Variants in BMPR2 observed in about 807,000 individuals in gnomAD.
BMPR2 encodes bone morphogenetic protein receptor type 2.
A neutral mutation model predicts 100.8 loss-of-function variants in BMPR2; 29 were observed. The observed-to-expected ratio is 0.29, with a 90% CI of 0.21 to 0.39. BMPR2 has a LOEUF of 0.39. BMPR2 is among the 10% of genes least tolerant of loss of function. The pLI is 1.00. For missense variants in BMPR2, 1,011 were observed against 1,274.5 expected (o/e 0.79, Z 3.15); for synonymous variants, 382 against 442.3 (o/e 0.86, Z 1.71).
intron 1 of BMPR2, among the ~76,000 whole-genome samples, chr2:202,453,444 TGTG>T (rs1692029165): frequency 6.6e-6 from 1 of 152,044 alleles, no homozygotes; most frequent in South Asian, 2.1e-4. Flanking sequence ...ATAAAGAAAA[TGTG>T]GTACATATAC....
At chr2:202,520,901 T>C (rs1290569511) in intron 7 of BMPR2, 2 of 153,802 alleles carry the variant, frequency 1.3e-5, no homozygotes, top group Middle Eastern at 3.1e-3. Flanking sequence ...GAAAAACAGC[T>C]CATGAGGCTA....
At position 202,516,469 on chromosome 2, in the gene BMPR2, T is replaced by A. The variant is rs141470078; in HGVS notation, c.621+1490T>A. ...TGGGTGGATTGCTTGAGCCCAGGAG[T>A]TCAAGACAAGTCATGGGCAACATGG... On this transcript the variant is annotated intron_variant, in intron 5 of 12. Coordinates refer to ENST00000374580, the MANE Select transcript of BMPR2 (RefSeq NM_001204.7). 2.7e-3 allele frequency among the ~76,000 whole-genome samples: 414 copies of A among 151,698 alleles called. 10 individuals carry two copies. The highest frequency in any genetic ancestry group is 4.7e-4 in the Non-Finnish European group (32 of 67,916).
At chr2:202,502,744 G>A (rs1346862467) in intron 3 of BMPR2, among the ~76,000 whole-genome samples, 1 of 152,186 alleles carries the variant, frequency 6.6e-6, no homozygotes, top group African/African-American at 2.4e-5. Flanking sequence ...TAGGGGAAGA[G>A]TGTTGTTTTT....
chr2:202,541,852 C>G (rs1688282009), intron 9 of BMPR2, among the ~76,000 whole-genome samples: 2 of 152,174 alleles, frequency 1.3e-5, no homozygotes, highest in African/African-American at 4.8e-5. Context: ...TGGCTCACGC[C>G]TGTAATCCCA....
chr2:202,401,778 G>T (rs1475109919), intron 1 of BMPR2, among the ~76,000 whole-genome samples: 2 of 152,160 alleles, frequency 1.3e-5, no homozygotes, highest in African/African-American at 4.8e-5. Flanking sequence ...CAACCAAGGA[G>T]CCTCAACATA....
chr2:202,508,321 G>C (rs1446791406), intron 3 of BMPR2, among the ~76,000 whole-genome samples: 1 of 151,564 alleles, frequency 6.6e-6, no homozygotes, highest in Non-Finnish European at 1.5e-5. Flanking sequence ...TCAAACTCCT[G>C]ACCTCGTGAT....
At position 202,478,593 on chromosome 2, in the gene BMPR2, A is replaced by G. The variant is rs188879225; in HGVS notation, c.418+10904A>G. Among the ~76,000 whole-genome samples, 39 of 152,274 alleles carry G rather than the reference A, an allele frequency of 2.6e-4. No individual in the cohort carries two copies. In the East Asian group the frequency reaches 7.1e-3, roughly 28 times the overall value. On this transcript the variant is annotated intron_variant, in intron 3 of 12. Transcript: ENST00000374580. ...AGCTATGATCACTCTACTGCACTCC[A>G]GGTGGGGCAACAAAGCAAGACCGCT...
chr2:202,395,399 C>G (rs1241495721), intron 1 of BMPR2, among the ~76,000 whole-genome samples: 1 of 152,114 alleles, frequency 6.6e-6, no homozygotes, highest in East Asian at 1.9e-4. Flanking sequence ...AATTCTGTTT[C>G]CAAATTAGAA....
At chr2:202,470,770 C>CAA (rs35813080) in intron 3 of BMPR2, among the ~76,000 whole-genome samples, 61 of 65,456 alleles carry the variant, frequency 9.3e-4, no homozygotes, top group African/African-American at 3.6e-3. Context: ...GACTCCGTCT[C>CAA]AAAAAAAAAA....
rs912725901 is a variant in BMPR2, at chr2:202,532,202, A to G, written c.1129-383A>G. On this transcript the variant is annotated intron_variant, in intron 8 of 12. Transcript: ENST00000374580. The surrounding 1 kb of genome is among the most constrained non-coding windows in gnomAD (Gnocchi z 4.1). ...GAGATCCACCCGCCTTGGCCTCCCA[A>G]AGTGCTAGGATTACAGGCATGAGCC... Among the ~76,000 whole-genome samples the G allele has an allele frequency of 1.3e-5, 2 of 151,876 alleles. No individual in the cohort carries two copies. The highest frequency in any genetic ancestry group is 2.4e-5 in the African/African-American group (1 of 41,336).
chr2:202,423,628 G>A (rs1317457295), intron 1 of BMPR2, among the ~76,000 whole-genome samples: 2 of 152,128 alleles, frequency 1.3e-5, no homozygotes, highest in East Asian at 1.9e-4. Flanking sequence ...GTTGGCGTGC[G>A]CCTGTGGTCC....
intron 3 of BMPR2, among the ~76,000 whole-genome samples, chr2:202,493,665 C>G (rs1692958919): frequency 6.6e-6 from 1 of 152,120 alleles, no homozygotes; most frequent in African/African-American, 2.4e-5. Context: ...AAAATACACT[C>G]TAAAGAAATT....
At position 202,377,281 on chromosome 2, in the gene BMPR2, A is replaced by G; in HGVS notation, c.-194A>G. ...ACCCCCCCAGCCGCGAGGGAGAGAA[A>G]TGAAGGGAATTTCTGCAGCGGCATG... On this transcript the variant is annotated 5_prime_UTR_variant, in exon 1 of 13. It removes an upstream start codon present in the reference 5' UTR. Transcript: ENST00000374580. 2 of 654,898 alleles carry G rather than the reference A, an allele frequency of 3.1e-6. No homozygotes were observed. Among genetic ancestry groups the G allele is most frequent in the Non-Finnish European group, 2.8e-6 (1 of 359,470 alleles). 40.6% of individuals were successfully genotyped at this position (654,898 alleles called of 1,614,324 possible).
At position 202,542,318 on chromosome 2, in the gene BMPR2, C is replaced by T. The variant is rs772817229; in HGVS notation, c.1284C>T (p.Ser428=). The part of the protein sequence containing the change: ...MRCTDLFPGE[S]VPEYQMAFQT... ...TTTTCTACAAATCCACAGGGGAATC[C>T]GTACCAGAGTACCAGATGGCTTTTC... The change falls in exon 10 of 13, where the codon TCC becomes TCT. Residue 428 remains serine, a synonymous_variant. Transcript: ENST00000374580. 1.1e-4 allele frequency: 184 copies of T among 1,613,656 alleles called. No individual in the cohort carries two copies. Among genetic ancestry groups the T allele is most frequent in the Non-Finnish European group, 1.4e-4 (164 of 1,179,884 alleles).
Position 202,384,528 on chromosome 2 carries a change from TTC to T in BMPR2, c.76+6982_76+6983del, listed in dbSNP as rs370667963. 3.8e-4 allele frequency among the ~76,000 whole-genome samples: 37 copies of T among 96,826 alleles called. 1 individual carries two copies. The highest frequency in any genetic ancestry group is 1.3e-3 in the African/African-American group (31 of 24,662). The allele number at this position is 96,826 out of a possible 152,430, so 63.5% of individuals were successfully genotyped here. On this transcript the variant is annotated intron_variant, in intron 1 of 12. Transcript: ENST00000374580. ...AATTTCAGTTTCTTTCTTTCTTTCTTTCTCTTTCTTTCTTTCTTTCTTTCTTT... is the reference window on the plus strand; with the variant it reads ...AATTTCAGTTTCTTTCTTTCTTTCTTTCTTTCTTTCTTTCTTTCTTTCTTT...
At chr2:202,510,990 T>G (rs975139975) in intron 3 of BMPR2, among the ~76,000 whole-genome samples, 23 of 151,836 alleles carry the variant, frequency 1.5e-4, no homozygotes, top group Non-Finnish European at 2.4e-4. Flanking sequence ...TAGTTTTTTT[T>G]TTTTTTTTTT....
intron 6 of BMPR2, 87 bp downstream of exon 6, chr2:202,519,139 A>G (rs1441760405): frequency 7.3e-7 from 1 of 1,367,494 alleles, no homozygotes; most frequent in African/African-American, 1.4e-5. Context: ...AGGCAGGTGG[A>G]TCACTTGAGG....
In BMPR2 at chr2:202,555,852, C is replaced by T; in HGVS notation, c.2187C>T (p.Gly729=). ...AGGACTTCACACAGACTGCAAATGG[C>T]CAAGCATGTTTGATTCCTGATGTTC... ...GQQDFTQTAN[G]QACLIPDVLP... Residue 729 remains glycine (G), a synonymous_variant, in exon 12 of 13, where the codon GGC becomes GGT. Transcript: ENST00000374580. 2 of 1,614,118 alleles carry T rather than the reference C, an allele frequency of 1.2e-6. No homozygotes were observed. The highest frequency in any genetic ancestry group is 1.7e-6 in the Non-Finnish European group (2 of 1,180,014).
rs933958614 is a variant in BMPR2 at position 202,473,915 on chromosome 2, G to A, written c.418+6226G>A. Reference sequence around the variant, plus strand: ...AGGTCAGGAGTTCAAGATCAGCTTGGCCAATATGGTGAAACCCCATCTCTA... The same window carrying A: ...AGGTCAGGAGTTCAAGATCAGCTTGACCAATATGGTGAAACCCCATCTCTA... On this transcript the variant is annotated intron_variant, in intron 3 of 12. Transcript: ENST00000374580. Among the ~76,000 whole-genome samples the A allele has an allele frequency of 4.6e-5, 7 of 151,904 alleles. No individual in the cohort carries two copies. In the East Asian group the frequency reaches 1.4e-3, roughly 29 times the overall value.
Sources: allele counts gnomAD v4.1 joint callset (sites outside exome capture counted in the v4.1 genomes callset), GRCh38; gene constraint gnomAD v4.1.1; non-coding constraint Gnocchi (gnomAD v3.1); transcripts MANE v1.5; gene names NCBI Gene and HGNC (gene_info 2026-07-23, HGNC 2026-07-21).